Variants in ADAM22 observed in about 807,000 individuals in gnomAD.
ADAM22 encodes ADAM metallopeptidase domain 22.
A neutral mutation model predicts 144.6 loss-of-function variants in ADAM22; 65 were observed. The observed-to-expected ratio is 0.45, with a 90% CI of 0.37 to 0.55. The LOEUF (loss-of-function observed/expected upper bound fraction) is 0.55, where lower values mean the gene tolerates loss of function less well. Among genes scored for constraint, ADAM22 ranks in the 20% least tolerant of loss-of-function variants. ADAM22 has a pLI of 0.00. For missense variants in ADAM22, 974 were observed against 1,184.9 expected, an observed-to-expected ratio of 0.82 and a Z score of 2.61; for synonymous variants, 391 against 412.6, an observed-to-expected ratio of 0.95 and a Z score of 0.63.
intron 24 of ADAM22, among the ~76,000 whole-genome samples, chr7:88,166,567 C>T (rs1280334068): frequency 1.3e-5 from 2 of 152,138 alleles, no homozygotes; most frequent in African/African-American, 4.8e-5. Context: ...AATATTTCAT[C>T]ATTTCATTAT....
At chr7:88,041,857 C>T (rs1585197639) in intron 3 of ADAM22, among the ~76,000 whole-genome samples, 1 of 151,828 alleles carries the variant, frequency 6.6e-6, no homozygotes, top group Admixed American at 6.6e-5. Context: ...GTGTGTGAGC[C>T]AAGCCACATT....
intron 2 of ADAM22, among the ~76,000 whole-genome samples, chr7:87,947,517 TAA>T (rs796193456): frequency 1.1e-4 from 15 of 139,082 alleles, no homozygotes; most frequent in Non-Finnish European, 1.4e-4. Flanking sequence ...TCCTCTAAAG[TAA>T]AAAAAAAAAA....
rs146781994 is a variant in ADAM22 at position 88,176,663 on chromosome 7, A to G, written c.2301-2272A>G. 1.0e-3 allele frequency among the ~76,000 whole-genome samples: 159 copies of G among 152,336 alleles called. 2 individuals are homozygous for G. In the East Asian group the frequency reaches 0.028, roughly 26 times the overall value. ...GGCCTTACTTAATGTTTAAATTTAA[A>G]TGTTAAAGAGAAGGCGATTTGTGGG... On this transcript the variant is annotated intron_variant, in intron 26 of 31. Transcript: ENST00000413139.
intron 25 of ADAM22, among the ~76,000 whole-genome samples, chr7:88,169,127 A>G (rs903383127): frequency 2.2e-4 from 33 of 152,140 alleles, no homozygotes; most frequent in African/African-American, 7.7e-4. Context: ...ACATCTTTAT[A>G]GTGTACATGG....
intron 8 of ADAM22, among the ~76,000 whole-genome samples, chr7:88,126,043 A>G (rs192141845): frequency 2.6e-5 from 4 of 152,148 alleles, no homozygotes; most frequent in Admixed American, 2.6e-4. Context: ...GAATGAATCA[A>G]TCAGGTTGTG....
chr7:88,115,977 A>G (rs554797227), intron 6 of ADAM22, among the ~76,000 whole-genome samples: 1 of 152,210 alleles, frequency 6.6e-6, no homozygotes, highest in Admixed American at 6.5e-5. Flanking sequence ...CTCGTATTAC[A>G]CAACATTGCT....
chr7:88,043,131 C>G lies in ADAM22; in HGVS notation c.324-32495C>G, dbSNP rs558752819. Among the ~76,000 whole-genome samples the G allele has an allele frequency of 4.0e-5, 6 of 151,868 alleles. No individual in the cohort carries two copies. The South Asian group carries it at 1.2e-3, about 32-fold the overall frequency. Reference sequence around the variant, plus strand: ...GCTGTTTCTTCTTTGAAACATAGATCTCAGGGAAGTGACTGTTGGAAAAGT... The same window carrying G: ...GCTGTTTCTTCTTTGAAACATAGATGTCAGGGAAGTGACTGTTGGAAAAGT... On this transcript the variant is annotated intron_variant, in intron 3 of 31. Coordinates refer to ENST00000413139, the MANE Select transcript of ADAM22 (RefSeq NM_001324418.2).
intron 4 of ADAM22, among the ~76,000 whole-genome samples, chr7:88,106,136 T>A (rs1358179384): frequency 6.6e-6 from 1 of 152,136 alleles, no homozygotes; most frequent in Non-Finnish European, 1.5e-5. Flanking sequence ...TGTTCTAGTG[T>A]CTAGGACTTG....
chr7:88,186,533 C>T (rs1206491821), intron 29 of ADAM22, 82 bp from the exon 30 acceptor site: 10 of 911,332 alleles, frequency 1.1e-5, no homozygotes, highest in South Asian at 2.7e-5. Context: ...AGGGTGAAGA[C>T]ATCCTTGCTA....
intron 4 of ADAM22, among the ~76,000 whole-genome samples, chr7:88,082,447 A>C (rs1817003634): frequency 6.6e-6 from 1 of 152,060 alleles, no homozygotes; most frequent in South Asian, 2.1e-4. Context: ...CATGTCTAAA[A>C]CACCAAATGC....
At position 87,935,129 on chromosome 7, in the gene ADAM22, C is replaced by A; in HGVS notation, c.189C>A (p.Asp63Glu). Reference protein sequence around the residue: ...LRLIYRSGGEDESRHDALDTR... With the variant: ...LRLIYRSGGEEESRHDALDTR... The stretch of plus-strand genomic sequence containing the variant: ...TCATCTACCGCTCGGGCGGCGAAGA[C>A]GAAAGTCGGCACGACGCGCTCGACA... Residue 63 changes from aspartate to glutamate, a missense_variant, in exon 2 of 32, where the codon GAC (aspartate) becomes GAA (glutamate). By Grantham distance (45) the Asp-to-Glu change is conservative. Around this residue, in one of 2 missense-constraint regions of ADAM22, gnomAD observed 240 missense variants for 234.3 expected, o/e 1.02. Transcript: ENST00000413139. The A allele has an allele frequency of 6.2e-7, 1 of 1,613,622 alleles. No individual in the cohort carries two copies. The highest frequency in any genetic ancestry group is 8.5e-7 in the Non-Finnish European group (1 of 1,179,876).
chr7:88,099,705 G>A (rs2129486352), intron 4 of ADAM22, among the ~76,000 whole-genome samples: 1 of 152,208 alleles, frequency 6.6e-6, no homozygotes, highest in East Asian at 1.9e-4. Context: ...ATGTAGGGTA[G>A]TTGTATTTTT....
intron 3 of ADAM22, among the ~76,000 whole-genome samples, chr7:88,031,460 G>T (rs548513054): frequency 1.3e-5 from 2 of 152,342 alleles, no homozygotes; most frequent in Admixed American, 1.3e-4. Flanking sequence ...TTGGGGACTG[G>T]AGTAAAGGTC....
At chr7:87,955,061 T>C (rs1846303353) in intron 2 of ADAM22, among the ~76,000 whole-genome samples, 1 of 152,226 alleles carries the variant, frequency 6.6e-6, no homozygotes, top group Non-Finnish European at 1.5e-5. Flanking sequence ...AGTTTTCAAC[T>C]TCTTTGCCTT....
rs1845468886 is a variant in ADAM22, at chr7:88,175,642, TTATAAAA to T, written c.2301-3291_2301-3285del. On this transcript the variant is annotated intron_variant, in intron 26 of 31. Transcript: ENST00000413139. ...TGAGAAATTTGAGGTAATTTTCCCA[TTATAAAA>T]TTTAGCACTAATCAGGCCACCTACT... is the stretch of plus-strand genomic sequence containing the variant. Among the ~76,000 whole-genome samples the T allele has an allele frequency of 1.3e-5, 2 of 152,216 alleles. 1 individual carries two copies. The highest frequency in any genetic ancestry group is 4.8e-5 in the African/African-American group (2 of 41,458).
At chr7:87,970,955 C>T (rs1489630569) in intron 2 of ADAM22, among the ~76,000 whole-genome samples, 1 of 152,142 alleles carries the variant, frequency 6.6e-6, no homozygotes, top group Non-Finnish European at 1.5e-5. Flanking sequence ...TTTTGTTTCA[C>T]AGCTTCTATA....
chr7:88,162,218 T>C (rs1395638947), intron 22 of ADAM22, among the ~76,000 whole-genome samples: 1 of 151,694 alleles, frequency 6.6e-6, no homozygotes, highest in African/African-American at 2.4e-5. Context: ...TCATCCTTAG[T>C]AAACTAACAC....
intron 5 of ADAM22, among the ~76,000 whole-genome samples, chr7:88,113,703 A>AATGTGTGT (rs1554478727): frequency 2.1e-5 from 1 of 48,106 alleles, no homozygotes; most frequent in South Asian, 1.2e-3. Context: ...TAAATAAATA[A>AATGTGTGT]ATATATATAT....
chr7:88,076,483 C>T (rs558004855), intron 4 of ADAM22, among the ~76,000 whole-genome samples: 44 of 152,284 alleles, frequency 2.9e-4, no homozygotes, highest in African/African-American at 1.0e-3. Flanking sequence ...TTGCATTCAG[C>T]TGTGTAAGAT....
Sources: allele counts gnomAD v4.1 joint callset (sites outside exome capture counted in the v4.1 genomes callset), GRCh38; gene constraint gnomAD v4.1.1; regional missense constraint gnomAD v4.1.1; transcripts MANE v1.5; gene names NCBI Gene and HGNC (gene_info 2026-07-23, HGNC 2026-07-21).